Variants in ZBTB16 observed in about 807,000 individuals in gnomAD.
ZBTB16 encodes zinc finger and BTB domain-containing protein 16.
Under a neutral mutation model 56.8 loss-of-function variants are expected in ZBTB16, and 8 were observed. That is an observed-to-expected ratio of 0.14 (90% CI 0.08 to 0.25). The LOEUF is 0.25. Among genes scored for constraint, ZBTB16 ranks in the 10% least tolerant of loss-of-function variants. The probability of loss-of-function intolerance (pLI) is 1.00; values close to 1 mark genes in which losing one functional copy is unlikely to be tolerated. For synonymous variants in ZBTB16, 363 were observed against 368.5 expected (o/e 0.98, Z 0.17); for missense variants, 625 against 903.0 (o/e 0.69, Z 3.95).
rs1294837755 is a variant in ZBTB16, at chr11:114,233,065, A to AAGCGCG, written c.1454-9102_1454-9101insAGCGCG. Among the ~76,000 whole-genome samples, 61 of 57,684 alleles carry AAGCGCG rather than the reference A, an allele frequency of 1.1e-3. 2 individuals carry two copies. Among genetic ancestry groups the AAGCGCG allele is most frequent in the South Asian group, 5.6e-3 (6 of 1,062 alleles). The allele number at this position is 57,684 out of a possible 152,430, so 37.8% of individuals were successfully genotyped here. ...CCCACCCACTCTACTGCACATACGC[A>AAGCGCG]TGCGCGCGCGCGCGCGCACACACAC... On this transcript the variant is annotated intron_variant, in intron 4 of 6. Coordinates refer to ENST00000335953, the MANE Select transcript of ZBTB16 (RefSeq NM_006006.6).
At chr11:114,192,165 A>G (rs1441643054) in intron 4 of ZBTB16, among the ~76,000 whole-genome samples, 4 of 152,164 alleles carry the variant, frequency 2.6e-5, no homozygotes, top group Admixed American at 2.6e-4. Context: ...TCACTCAATT[A>G]TCTGAGTCTC....
At chr11:114,062,567 G>C (rs1938926084) in intron 1 of ZBTB16, among the ~76,000 whole-genome samples, 1 of 152,208 alleles carries the variant, frequency 6.6e-6, no homozygotes, top group South Asian at 2.1e-4. Context: ...CAGGCCTTGG[G>C]TCTGCCAGTG....
At chr11:114,081,413 T>C (rs949941656) in intron 2 of ZBTB16, among the ~76,000 whole-genome samples, 3 of 120,586 alleles carry the variant, frequency 2.5e-5, no homozygotes, top group African/African-American at 1.1e-4. Context: ...TGTATGTTGA[T>C]ATCTATGACA....
At chr11:114,088,824 G>T (rs1348915515) in intron 2 of ZBTB16, among the ~76,000 whole-genome samples, 5 of 152,180 alleles carry the variant, frequency 3.3e-5, no homozygotes, top group Admixed American at 3.3e-4. Context: ...TTAATTGGGG[G>T]AAACCTTGTC....
intron 4 of ZBTB16, among the ~76,000 whole-genome samples, chr11:114,228,945 C>T (rs747016993): frequency 3.3e-5 from 5 of 152,190 alleles, no homozygotes; most frequent in Admixed American, 2.6e-4. Flanking sequence ...TCCCTGGCGC[C>T]CCATCCCCCA....
intron 2 of ZBTB16, among the ~76,000 whole-genome samples, chr11:114,136,553 C>T (rs1022793230): frequency 3.3e-5 from 5 of 152,128 alleles, no homozygotes; most frequent in African/African-American, 1.2e-4. Context: ...ACTATTGCAA[C>T]ATTTGGAATG....
chr11:114,123,001 C>T (rs1941386142), intron 2 of ZBTB16, among the ~76,000 whole-genome samples: 1 of 152,140 alleles, frequency 6.6e-6, no homozygotes, highest in African/African-American at 2.4e-5. Flanking sequence ...GATTTGGTGT[C>T]TGGGGAGGGC....
Position 114,063,906 on chromosome 11 carries a change from A to C in ZBTB16, c.606A>C (p.Ala202=). The change falls in exon 2 of 7, where the codon GCA becomes GCC. Residue 202 remains alanine, a synonymous_variant. Coordinates refer to ENST00000335953, the MANE Select transcript of ZBTB16 (RefSeq NM_006006.6). This position sits in a 1 kb window ranked among gnomAD's most constrained non-coding sequence, Gnocchi z 6.5. ...CAGCCATGAGTCCCACCAAGGCTGC[A>C]GTGGACAGTTTGATGACCATAGGAC... The part of the protein sequence containing the change: ...GLSAMSPTKA[A]VDSLMTIGQS... 1 of 1,614,012 alleles carries C rather than the reference A, an allele frequency of 6.2e-7. No individual in the cohort carries two copies. Among genetic ancestry groups the C allele is most frequent in the Non-Finnish European group, 8.5e-7 (1 of 1,180,022 alleles).
intron 3 of ZBTB16, among the ~76,000 whole-genome samples, chr11:114,162,745 G>A (rs995367602): frequency 3.9e-5 from 6 of 152,210 alleles, no homozygotes; most frequent in African/African-American, 9.7e-5. Context: ...CAAGGAAGTG[G>A]AGAAGATCAG....
intron 4 of ZBTB16, among the ~76,000 whole-genome samples, chr11:114,194,254 A>G (rs1372114927): frequency 6.6e-6 from 1 of 152,238 alleles, no homozygotes; most frequent in African/African-American, 2.4e-5. Context: ...GCAGGTGGTT[A>G]TGGTGTTGTA....
intron 1 of ZBTB16, among the ~76,000 whole-genome samples, chr11:114,062,231 G>T (rs1283128452): frequency 6.6e-6 from 1 of 151,986 alleles, no homozygotes; most frequent in Non-Finnish European, 1.5e-5. Context: ...AGCCTCCCGA[G>T]TAGCTGGGAT....
intron 2 of ZBTB16, among the ~76,000 whole-genome samples, chr11:114,135,461 C>T (rs997669982): frequency 6.6e-6 from 1 of 152,162 alleles, no homozygotes; most frequent in Non-Finnish European, 1.5e-5. Context: ...CCAACATAAC[C>T]TCAACGGTCT....
chr11:114,245,247 C>G (rs1280213022), intron 5 of ZBTB16, among the ~76,000 whole-genome samples: 1 of 152,232 alleles, frequency 6.6e-6, no homozygotes, highest in South Asian at 2.1e-4. Context: ...AACTGAGAAC[C>G]CTGGGCCTTG....
intron 4 of ZBTB16, among the ~76,000 whole-genome samples, chr11:114,205,102 A>G (rs1401582053): frequency 6.6e-6 from 1 of 152,090 alleles, no homozygotes; most frequent in Non-Finnish European, 1.5e-5. Flanking sequence ...AGGCATTAGG[A>G]AAAAGGCATT....
At chr11:114,172,780 C>A (rs2135016178) in intron 3 of ZBTB16, among the ~76,000 whole-genome samples, 1 of 152,330 alleles carries the variant, frequency 6.6e-6, no homozygotes, top group Middle Eastern at 3.4e-3. Context: ...TGTTTTCAAG[C>A]AGCTATGGGC....
At chr11:114,182,557 A>G (rs935592631) in intron 3 of ZBTB16, among the ~76,000 whole-genome samples, 1 of 152,134 alleles carries the variant, frequency 6.6e-6, no homozygotes, top group Non-Finnish European at 1.5e-5. Flanking sequence ...TAGGAAGGAT[A>G]TGGCAAGTCA....
At chr11:114,140,642 G>A (rs976589903) in intron 2 of ZBTB16, among the ~76,000 whole-genome samples, 2 of 152,292 alleles carry the variant, frequency 1.3e-5, no homozygotes, top group Admixed American at 6.5e-5. Context: ...TGGAGGTAAC[G>A]AACAGAAGCA....
chr11:114,230,736 C>CT (rs1200961996), intron 4 of ZBTB16, among the ~76,000 whole-genome samples: 2 of 149,710 alleles, frequency 1.3e-5, no homozygotes, highest in African/African-American at 4.9e-5. Context: ...GGTAGTTTTT[C>CT]TTTTCATTGC....
intron 4 of ZBTB16, among the ~76,000 whole-genome samples, chr11:114,228,991 G>A (rs199611155): frequency 1.1e-4 from 17 of 152,120 alleles, no homozygotes; most frequent in Admixed American, 3.9e-4. Flanking sequence ...GTGGGGAGTC[G>A]GGGAGCCCTG....
Sources: allele counts gnomAD v4.1 joint callset (sites outside exome capture counted in the v4.1 genomes callset), GRCh38; gene constraint gnomAD v4.1.1; non-coding constraint Gnocchi (gnomAD v3.1); transcripts MANE v1.5; gene names NCBI Gene and HGNC (gene_info 2026-07-23, HGNC 2026-07-21).